The following TMEM11 variants were observed in gnomAD, a reference collection of about 807,000 sequenced individuals.
The protein encoded by TMEM11 is transmembrane protein 11, mitochondrial.
A neutral mutation model predicts 17.0 loss-of-function variants in TMEM11; 1 was observed. The observed-to-expected ratio is 0.06, with a 90% CI of 0.02 to 0.28. The LOEUF is 0.28. Ranked by LOEUF, TMEM11 falls within the 10% of genes least tolerant of loss-of-function variation. The pLI is 1.00. For synonymous variants in TMEM11, 122 were observed against 118.1 expected, an observed-to-expected ratio of 1.03 and a Z score of -0.21; for missense variants, 172 against 252.9, an observed-to-expected ratio of 0.68 and a Z score of 2.17.
At chr17:21,202,305 G>C (rs1416822980) in intron 1 of TMEM11, among the ~76,000 whole-genome samples, 8 of 152,314 alleles carry the variant, frequency 5.3e-5, no homozygotes, top group East Asian at 1.9e-4. Flanking sequence ...GGGACACCTT[G>C]GGGCGGGCAC....
chr17:21,206,795 C>G (rs1974947294), intron 1 of TMEM11, among the ~76,000 whole-genome samples: 1 of 152,164 alleles, frequency 6.6e-6, no homozygotes, highest in Non-Finnish European at 1.5e-5. Flanking sequence ...GCTGGAATTA[C>G]AGGCATGAGC....
At chr17:21,208,282 G>C (rs1027523303) in intron 1 of TMEM11, 1 of 152,142 alleles carries the variant, frequency 6.6e-6, no homozygotes, top group African/African-American at 2.4e-5. Context: ...ATGAGCCACT[G>C]CGCCCGGCCA....
chr17:21,200,775 C>T (rs780916820), intron 1 of TMEM11, among the ~76,000 whole-genome samples: 8 of 152,340 alleles, frequency 5.3e-5, no homozygotes, highest in Non-Finnish European at 8.8e-5. Context: ...TGCACAGACG[C>T]GAAGGTCCCG....
chr17:21,208,311 A>T (rs1974966779), intron 1 of TMEM11: 1 of 152,178 alleles, frequency 6.6e-6, no homozygotes, highest in Admixed American at 6.5e-5. Context: ...CTTTTATAAC[A>T]GGAAAAATAA....
chr17:21,202,244 G>C (rs1407591630), intron 1 of TMEM11, among the ~76,000 whole-genome samples: 1 of 152,206 alleles, frequency 6.6e-6, no homozygotes, highest in Non-Finnish European at 1.5e-5. Flanking sequence ...GACGGAAATG[G>C]AGTTGCTTCC....
At chr17:21,206,047 T>G (rs1208386602) in intron 1 of TMEM11, among the ~76,000 whole-genome samples, 1 of 149,104 alleles carries the variant, frequency 6.7e-6, no homozygotes, top group Admixed American at 6.7e-5. Flanking sequence ...CTGCTTTTTT[T>G]GGGGGGGGGG....
At chr17:21,201,768 T>G (rs989635466) in intron 1 of TMEM11, among the ~76,000 whole-genome samples, 1 of 152,072 alleles carries the variant, frequency 6.6e-6, no homozygotes, top group Non-Finnish European at 1.5e-5. Flanking sequence ...ACTACAGGTA[T>G]GTGCCACCAC....
chr17:21,209,796 G>A (rs1348690357), intron 1 of TMEM11, among the ~76,000 whole-genome samples: 1 of 152,134 alleles, frequency 6.6e-6, no homozygotes. Context: ...TGAAACCTCA[G>A]TTCCTCAGAG....
In TMEM11 at chr17:21,198,448, G is replaced by GT; in HGVS notation, c.454dup (p.Thr152AsnfsTer87). 1 of 1,614,254 alleles carries GT rather than the reference G, an allele frequency of 6.2e-7. No homozygotes were observed. Among genetic ancestry groups the GT allele is most frequent in the Non-Finnish European group, 8.5e-7 (1 of 1,180,050 alleles). ...GACCAGCACCACCGGGGTGGAGGAG[G>GT]TGAGTGTGTGCAGAGGCAGGCGCGA... On this transcript the variant is annotated frameshift_variant, in exon 2 of 2. Coordinates refer to ENST00000317635, the MANE Select transcript of TMEM11 (RefSeq NM_003876.3). LOFTEE classifies it high-confidence loss of function. This position sits in a 1 kb window ranked among gnomAD's most constrained non-coding sequence, Gnocchi z 6.5.
rs759123130 is a variant in TMEM11, at chr17:21,198,489, G to A, written c.414C>T (p.Tyr138=). ...FDPCCKYQVE[Y]DAYKLSRLPL... is the part of the protein sequence containing the mutation. ...GCAGGCGCGACAGTTTATAGGCGTC[G>A]TACTCCACTTGGTACTTGCAGCAAG... The change falls in exon 2 of 2, where the codon TAC becomes TAT. Residue 138 remains tyrosine, a synonymous_variant. Transcript: ENST00000317635. The surrounding 1 kb of genome is among the most constrained non-coding windows in gnomAD (Gnocchi z 6.5). 12 of 1,614,108 alleles carry A rather than the reference G, an allele frequency of 7.4e-6. No homozygotes were observed. The highest frequency in any genetic ancestry group is 2.7e-5 in the African/African-American group (2 of 74,926).
chr17:21,211,717 A>G (rs1975005159), intron 1 of TMEM11, among the ~76,000 whole-genome samples: 1 of 152,248 alleles, frequency 6.6e-6, no homozygotes. Context: ...AAGTGTGCCC[A>G]AAGTGTCACT....
chr17:21,199,351 T>C (rs2364094), intron 1 of TMEM11, among the ~76,000 whole-genome samples: 1 of 79,768 alleles, frequency 1.3e-5, no homozygotes, highest in Non-Finnish European at 2.6e-5. Flanking sequence ...AAAAAAGATA[T>C]AAAAAGGCAG....
chr17:21,211,150 C>T (rs1452519796), intron 1 of TMEM11: 1 of 1,289,834 alleles, frequency 7.8e-7, no homozygotes, highest in Admixed American at 2.3e-5. Flanking sequence ...TGCTCGTTGC[C>T]AGTGTGCTGA....
intron 1 of TMEM11, among the ~76,000 whole-genome samples, chr17:21,202,014 C>T (rs545143068): frequency 1.7e-4 from 26 of 152,282 alleles, no homozygotes; most frequent in Admixed American, 2.0e-4. Context: ...AGCTGAAGGC[C>T]GAGCAGTGCC....
intron 1 of TMEM11, among the ~76,000 whole-genome samples, chr17:21,206,530 TTTTA>T (rs772240687): frequency 3.3e-5 from 5 of 151,898 alleles, no homozygotes; most frequent in Non-Finnish European, 7.4e-5. Flanking sequence ...TTTTCTTTAT[TTTTA>T]TTTGTTTATT....
At chr17:21,202,315 C>T (rs890357356) in intron 1 of TMEM11, among the ~76,000 whole-genome samples, 3 of 152,180 alleles carry the variant, frequency 2.0e-5, no homozygotes, top group African/African-American at 7.2e-5. Flanking sequence ...GGGGCGGGCA[C>T]CAGAGGCGGG....
intron 1 of TMEM11, chr17:21,210,806 T>A: frequency 1.0e-6 from 1 of 989,078 alleles, no homozygotes; most frequent in Non-Finnish European, 1.3e-6. Context: ...GCGCTAAACC[T>A]GAACTTTTAG....
rs537381461 is a variant in TMEM11 at position 21,199,160 on chromosome 17, G to A, written c.63-320C>T. 2.6e-4 allele frequency among the ~76,000 whole-genome samples: 39 copies of A among 151,180 alleles called. 1 individual carries two copies. The highest frequency in any genetic ancestry group is 1.6e-3 in the Admixed American group (24 of 15,206). ...ATGGTGAAACCCTGTCTCTACTAAA[G>A]ATACAAAAAAAAATTAGCCAGGTGT... On this transcript the variant is annotated intron_variant, in intron 1 of 1. Coordinates refer to ENST00000317635, the MANE Select transcript of TMEM11 (RefSeq NM_003876.3).
At chr17:21,206,707 T>C (rs1974946543) in intron 1 of TMEM11, among the ~76,000 whole-genome samples, 1 of 152,048 alleles carries the variant, frequency 6.6e-6, no homozygotes, top group African/African-American at 2.4e-5. Context: ...CAGCTAACTT[T>C]GTATTTTTAG....
Sources: gnomAD v4.1 joint callset for allele counts (sites outside exome capture counted in the v4.1 genomes callset) on GRCh38, gnomAD v4.1.1 for gene constraint, Gnocchi (gnomAD v3.1) non-coding constraint, MANE v1.5 for transcripts, NCBI Gene and HGNC (gene_info 2026-07-23, HGNC 2026-07-21) for gene names.